The following DICER1 variants were observed in gnomAD, a reference collection of about 807,000 sequenced individuals.
DICER1 encodes endoribonuclease Dicer.
In DICER1, 43 loss-of-function variants were observed where a neutral mutation model predicts 194.1. The observed-to-expected ratio is 0.22, with a 90% CI of 0.17 to 0.29. DICER1 has a LOEUF of 0.29. Ranked by LOEUF, DICER1 falls within the 10% of genes least tolerant of loss-of-function variation. DICER1 has a pLI of 1.00. For missense variants in DICER1, 1,608 were observed against 2,317.0 expected (o/e 0.69, Z 6.28); for synonymous variants, 832 against 820.5 (o/e 1.01, Z -0.24).
At chr14:95,098,396 A>T (rs1012738033) in intron 22 of DICER1, among the ~76,000 whole-genome samples, 5 of 152,234 alleles carry the variant, frequency 3.3e-5, no homozygotes, top group Non-Finnish European at 5.9e-5. Flanking sequence ...GCAACCAGCC[A>T]AAACCACAGT....
At chr14:95,094,240 G>A (rs2139818628) in intron 23 of DICER1, 84 bp from the exon 24 acceptor site, 1 of 1,499,600 alleles carries the variant, frequency 6.7e-7, no homozygotes, top group Admixed American at 1.7e-5. Context: ...CAAATCCGAA[G>A]AAGATTTGTA....
In DICER1 at chr14:95,103,650, T is replaced by C. The variant is rs527872690; in HGVS notation, c.3746A>G (p.Lys1249Arg). The stretch of plus-strand genomic sequence containing the variant: ...CACAGGACTTCCATCTGAGGTAGAT[T>C]TGTTAGCATTTCCATCAAGGTATTT... ...SNKYLDGNAN[K>R]STSDGSPVMA... The change falls in exon 21 of 27, where the codon AAA becomes AGA. Residue 1249 changes from lysine (K) to arginine (R), a missense_variant. Transcript: ENST00000343455. The C allele has an allele frequency of 6.2e-6, 10 of 1,614,046 alleles. No homozygotes were observed. Among genetic ancestry groups the C allele is most frequent in the Admixed American group, 1.7e-5 (1 of 60,004 alleles).
chr14:95,133,168 T>TA, intron 2 of DICER1, 147 bp downstream of exon 2: 1 of 801,520 alleles, frequency 1.2e-6, no homozygotes, highest in Non-Finnish European at 2.1e-6. Flanking sequence ...AAAGGACTAT[T>TA]AAGAATAAAA....
chr14:95,090,925 C>T (rs1889746674), intron 26 of DICER1, 109 bp downstream of exon 26: 2 of 1,118,036 alleles, frequency 1.8e-6, no homozygotes, highest in Non-Finnish European at 2.7e-6. Flanking sequence ...GACAACAGCA[C>T]ACCACAGTGT....
At chr14:95,142,113 T>A (rs1953536) in intron 1 of DICER1, among the ~76,000 whole-genome samples, 8 of 151,794 alleles carry the variant, frequency 5.3e-5, no homozygotes, top group African/African-American at 1.9e-4. Context: ...TTTTTCTTTT[T>A]GTTTTTTATT....
rs767166092 is a variant in DICER1, at chr14:95,103,371, C to T, written c.4025G>A (p.Arg1342His). 6.2e-7 allele frequency: 1 copy of T among 1,614,116 alleles called. No homozygotes were observed. The highest frequency in any genetic ancestry group is 8.5e-7 in the Non-Finnish European group (1 of 1,179,992). ...CTTTTTGCTTCTCATATATGAAAGG[C>T]GGCCCTCATGCGCATCAGGGTAAGT... ...FCTYPDAHEG[R>H]LSYMRSKKVS... The change falls in exon 21 of 27, where the codon CGC (arginine) becomes CAC (histidine). Residue 1342 changes from arginine to histidine, a missense_variant. Transcript: ENST00000343455.
chr14:95,153,308 T>C (rs573740733), intron 1 of DICER1, among the ~76,000 whole-genome samples: 1 of 152,194 alleles, frequency 6.6e-6, no homozygotes, highest in African/African-American at 2.4e-5. Flanking sequence ...TGGATTGTTA[T>C]TTAGCATCTG....
chr14:95,096,235 C>G lies in DICER1; in HGVS notation c.4685G>C (p.Cys1562Ser). ...QCIADKSIAD[C>S]VEALLGCYLT... Reference sequence around the variant, plus strand: ...ATAGCAGCCCAGCAGGGCTTCCACACAGTCCGCTATGCTTTTGTCAGCAAT... The same window carrying G: ...ATAGCAGCCCAGCAGGGCTTCCACAGAGTCCGCTATGCTTTTGTCAGCAAT... The change falls in exon 23 of 27, where the codon TGT (cysteine) becomes TCT (serine). Residue 1562 changes from cysteine (C) to serine (S), a missense_variant. This residue lies in a region of DICER1 where 13 missense variants were observed against 35.7 expected (regional missense o/e 0.36). Coordinates refer to ENST00000343455, the MANE Select transcript of DICER1 (RefSeq NM_177438.3). 1 of 1,614,242 alleles carries G rather than the reference C, an allele frequency of 6.2e-7. No individual in the cohort carries two copies. The highest frequency in any genetic ancestry group is 8.5e-7 in the Non-Finnish European group (1 of 1,180,034).
intron 1 of DICER1, among the ~76,000 whole-genome samples, chr14:95,153,376 G>C (rs756896630): frequency 1.3e-5 from 2 of 152,172 alleles, no homozygotes; most frequent in Admixed American, 1.3e-4. Context: ...AGAAATTAAT[G>C]AATCAAACCA....
intron 1 of DICER1, among the ~76,000 whole-genome samples, chr14:95,152,158 G>C (rs537284110): frequency 1.3e-5 from 2 of 152,332 alleles, no homozygotes; most frequent in East Asian, 3.9e-4. Context: ...AAGCACAACA[G>C]AGTTAGTCTG....
intron 8 of DICER1, among the ~76,000 whole-genome samples, chr14:95,123,204 A>AGCT (rs1433065981): frequency 1.3e-5 from 2 of 152,204 alleles, no homozygotes; most frequent in Non-Finnish European, 2.9e-5. Context: ...TCTGAAGTAT[A>AGCT]GCTCCCTGGC....
At position 95,105,555 on chromosome 14, in the gene DICER1, G is replaced by T; in HGVS notation, c.3093+123C>A. The T allele has an allele frequency of 1.2e-6, 1 of 819,438 alleles. No homozygotes were observed. Among genetic ancestry groups the T allele is most frequent in the African/African-American group, 1.7e-5 (1 of 58,440 alleles). The allele number at this position is 819,438 out of a possible 1,614,324, so 50.8% of individuals were successfully genotyped here. On this transcript the variant is annotated intron_variant, in intron 19 of 26. Transcript: ENST00000343455. This position sits in a 1 kb window ranked among gnomAD's most constrained non-coding sequence, Gnocchi z 4.9. ...AAAACAAAACAAAATTTGAGGATTA[G>T]GTAACTTCTAAAAAATTAACGAATC... is the stretch of plus-strand genomic sequence containing the variant.
chr14:95,095,695 C>A, intron 23 of DICER1, 130 bp downstream of exon 23: 1 of 1,000,694 alleles, frequency 1.0e-6, no homozygotes, highest in East Asian at 2.6e-5. Flanking sequence ...TCCTTTTGTT[C>A]CCCGCCCCAT....
At chr14:95,155,137 T>C (rs1302434064) in intron 1 of DICER1, among the ~76,000 whole-genome samples, 4 of 152,274 alleles carry the variant, frequency 2.6e-5, no homozygotes, top group Middle Eastern at 3.4e-3. Context: ...TCCTTGCCTA[T>C]AAAACAAGGA....
At chr14:95,095,006 T>C (rs1890182331) in intron 23 of DICER1, among the ~76,000 whole-genome samples, 1 of 152,294 alleles carries the variant, frequency 6.6e-6, no homozygotes, top group Admixed American at 6.5e-5. Context: ...TAACGAAAAT[T>C]AGGCTTTAGT....
In DICER1 at chr14:95,122,450, C is replaced by T. The variant is rs186716262; in HGVS notation, c.1376+1746G>A. On this transcript the variant is annotated intron_variant, in intron 8 of 26. Transcript: ENST00000343455. ...TGACTCCCAAAATGCTTTTTCCCTG[C>T]CCTAAGAAATAATCCCTCCTTAGTC... is the stretch of plus-strand genomic sequence containing the variant. 3.1e-3 allele frequency among the ~76,000 whole-genome samples: 475 copies of T among 152,270 alleles called. 1 individual carries two copies. Among genetic ancestry groups the T allele is most frequent in the Middle Eastern group, 6.8e-3 (2 of 294 alleles).
In DICER1 at chr14:95,089,193, TA is replaced by T. The variant is rs1453580453; in HGVS notation, c.*1304del. ...AATTAAAGAAACTTAGGCAAATGCC[TA>T]AAGAAGTTTTTTTTTTTTTCCTTTT... On this transcript the variant is annotated 3_prime_UTR_variant, in exon 27 of 27. Coordinates refer to ENST00000343455, the MANE Select transcript of DICER1 (RefSeq NM_177438.3). 4.3e-6 allele frequency: 1 copy of T among 231,780 alleles called. No homozygotes were observed. Among genetic ancestry groups the T allele is most frequent in the Non-Finnish European group, 8.5e-6 (1 of 117,694 alleles). The allele number at this position is 231,780 out of a possible 1,614,324, so 14.4% of individuals were successfully genotyped here. A position where few individuals can be genotyped will look rare whatever the true frequency, so the allele number is the denominator to read the frequency against.
chr14:95,109,504 G>A (rs1288919005), intron 14 of DICER1, among the ~76,000 whole-genome samples: 1 of 152,186 alleles, frequency 6.6e-6, no homozygotes, highest in African/African-American at 2.4e-5. Flanking sequence ...AAAATGCTGG[G>A]ATCACAGGTG....
At position 95,091,190 on chromosome 14, in the gene DICER1, G is replaced by A. The variant is rs2139775430; in HGVS notation, c.5527+13C>T. 6.2e-7 allele frequency: 1 copy of A among 1,613,948 alleles called. No individual in the cohort carries two copies. The highest frequency in any genetic ancestry group is 8.5e-7 in the Non-Finnish European group (1 of 1,179,974). On this transcript the variant is annotated intron_variant, in intron 25 of 26. Coordinates refer to ENST00000343455, the MANE Select transcript of DICER1 (RefSeq NM_177438.3). ...TTGTGGGTTTTTTTCTTTCTAAAGG[G>A]AGCCAACAATACCTATTAGTGGCCG...
Sources: gnomAD v4.1 joint callset for allele counts (sites outside exome capture counted in the v4.1 genomes callset) on GRCh38, gnomAD v4.1.1 for gene constraint, gnomAD v4.1.1 regional missense constraint, Gnocchi (gnomAD v3.1) non-coding constraint, MANE v1.5 for transcripts, NCBI Gene and HGNC (gene_info 2026-07-23, HGNC 2026-07-21) for gene names.